RGS9: variants seen among roughly 807,000 people sequenced by gnomAD.
RGS9 encodes the protein regulator of G-protein signalling 9.
In RGS9, 78 loss-of-function variants were observed where a neutral mutation model predicts 102.0. The ratio of observed to expected loss-of-function variants is 0.76; its 90% CI spans 0.64 to 0.92. The LOEUF (loss-of-function observed/expected upper bound fraction) is 0.92. Ranked by LOEUF, RGS9 falls within the 40% of genes least tolerant of loss-of-function variation. The pLI is 0.00. For missense variants in RGS9, 833 were observed against 866.1 expected (o/e 0.96, Z 0.48); for synonymous variants, 353 against 318.6 (o/e 1.11, Z -1.15).
intron 9 of RGS9, among the ~76,000 whole-genome samples, chr17:65,178,570 C>T (rs535070315): frequency 1.7e-4 from 26 of 152,188 alleles, no homozygotes; most frequent in African/African-American, 1.2e-4. Flanking sequence ...GTGGCATGCT[C>T]ATAGCTCACT....
intron 8 of RGS9, among the ~76,000 whole-genome samples, chr17:65,174,711 T>C (rs1911557276): frequency 6.6e-6 from 1 of 152,076 alleles, no homozygotes; most frequent in Non-Finnish European, 1.5e-5. Flanking sequence ...TGAGCATGTT[T>C]TTGTGTATTC....
chr17:65,180,150 C>T (rs1045728268), intron 9 of RGS9: 11 of 152,216 alleles, frequency 7.2e-5, no homozygotes, highest in African/African-American at 2.7e-4. Context: ...CAACATTTTC[C>T]ACTGTCTGCG....
In RGS9 at chr17:65,200,189, G is replaced by A. The variant is rs532330520; in HGVS notation, c.977-1804G>A. ...TGGGATTAGAGGCGCCCGCCACCAC[G>A]GCCGGCTAATTTTTGTATTTTTAGT... is the stretch of plus-strand genomic sequence containing the variant. On this transcript the variant is annotated intron_variant, in intron 13 of 18. Transcript: ENST00000262406. Among the ~76,000 whole-genome samples the A allele has an allele frequency of 1.1e-4, 17 of 152,090 alleles. No homozygotes were observed. In the South Asian group the frequency reaches 3.3e-3, roughly 30 times the overall value.
chr17:65,182,216 C>A (rs915563451), intron 9 of RGS9, among the ~76,000 whole-genome samples: 4 of 152,204 alleles, frequency 2.6e-5, no homozygotes, highest in African/African-American at 9.7e-5. Flanking sequence ...CCTCACACAC[C>A]ATATGCTCCC....
At chr17:65,182,740 C>T (rs1390876309) in intron 9 of RGS9, among the ~76,000 whole-genome samples, 5 of 152,284 alleles carry the variant, frequency 3.3e-5, no homozygotes, top group Admixed American at 6.5e-5. Context: ...CTGATCCAAC[C>T]GCTGCTCCCC....
chr17:65,177,397 A>C, intron 8 of RGS9, among the ~76,000 whole-genome samples: 1 of 151,220 alleles, frequency 6.6e-6, no homozygotes. Flanking sequence ...CTATTCATCC[A>C]TCCACTTATC....
At chr17:65,180,957 A>C (rs1199640547) in intron 9 of RGS9, among the ~76,000 whole-genome samples, 1 of 152,162 alleles carries the variant, frequency 6.6e-6, no homozygotes, top group East Asian at 1.9e-4. Flanking sequence ...AGCTCCATCC[A>C]TGTTGCTACA....
At position 65,203,594 on chromosome 17, in the gene RGS9, C is replaced by T. The variant is rs562170410; in HGVS notation, c.1065-569C>T. ...GAAATACTGAGAGAGCTCTGCATCC[C>T]GACATCCCAGGTAGAGCCACGGGCT... On this transcript the variant is annotated intron_variant, in intron 14 of 18. Transcript: ENST00000262406. 1.5e-4 allele frequency among the ~76,000 whole-genome samples: 23 copies of T among 152,330 alleles called. No individual in the cohort carries two copies. The South Asian group carries it at 3.1e-3, about 21-fold the overall frequency.
At chr17:65,198,827 A>G (rs8070231) in intron 13 of RGS9, among the ~76,000 whole-genome samples, 30,691 of 152,164 alleles carry the variant, frequency 0.2, 5,236 homozygotes, top group African/African-American at 0.44. Flanking sequence ...GCCGGATGCA[A>G]AACATTACAT....
intron 9 of RGS9, among the ~76,000 whole-genome samples, chr17:65,181,115 G>T (rs568193983): frequency 2.0e-5 from 3 of 152,326 alleles, no homozygotes; most frequent in African/African-American, 7.2e-5. Context: ...ACATAGGCAT[G>T]CATGTGTCTT....
At chr17:65,193,417 A>C (rs1261964326) in intron 11 of RGS9, 126 bp from the exon 12 acceptor site, 1 of 716,230 alleles carries the variant, frequency 1.4e-6, no homozygotes, top group African/African-American at 1.7e-5. Context: ...ATTTCTAGGA[A>C]AACAGTAATA....
At chr17:65,214,358 G>A (rs1567892640) in intron 17 of RGS9, among the ~76,000 whole-genome samples, 1 of 152,228 alleles carries the variant, frequency 6.6e-6, no homozygotes, top group Non-Finnish European at 1.5e-5. Context: ...CCCTCAAGGG[G>A]CTGACAAGGT....
intron 4 of RGS9, 31 bp downstream of exon 4, chr17:65,160,370 T>C (rs1042646336): frequency 3.2e-6 from 5 of 1,576,316 alleles, no homozygotes; most frequent in Non-Finnish European, 4.4e-6. Context: ...TGGCTGTTCA[T>C]ATGGGGTTGA....
chr17:65,224,493 A>G (rs946698309), intron 17 of RGS9, among the ~76,000 whole-genome samples: 2 of 152,314 alleles, frequency 1.3e-5, no homozygotes, highest in South Asian at 4.1e-4. Flanking sequence ...GGCTCAGAGC[A>G]AGGAGGGGCC....
chr17:65,144,383 C>A (rs1052026377), intron 1 of RGS9, among the ~76,000 whole-genome samples: 1 of 152,178 alleles, frequency 6.6e-6, no homozygotes, highest in African/African-American at 2.4e-5. Context: ...CCATCAAAGC[C>A]CTCATTTCTG....
chr17:65,216,782 A>T (rs1913538082), intron 17 of RGS9, among the ~76,000 whole-genome samples: 1 of 152,198 alleles, frequency 6.6e-6, no homozygotes, highest in Admixed American at 6.5e-5. Context: ...TAAGATCATC[A>T]AGTCTTATTT....
chr17:65,142,903 CTTTCTTTTTT>C (rs1409761169), intron 1 of RGS9, among the ~76,000 whole-genome samples: 2 of 151,990 alleles, frequency 1.3e-5, no homozygotes, highest in Admixed American at 6.6e-5. Flanking sequence ...TTGTTTCTTT[CTTTCTTTTTT>C]TTTCTTTTTT....
intron 1 of RGS9, among the ~76,000 whole-genome samples, chr17:65,140,237 C>G (rs187100710): frequency 6.6e-6 from 1 of 152,080 alleles, no homozygotes; most frequent in Non-Finnish European, 1.5e-5. Context: ...TTTCCCATGA[C>G]GTAGGGCAGA....
At position 65,160,584 on chromosome 17, in the gene RGS9, T is replaced by C. The variant is rs1354040611; in HGVS notation, c.361T>C (p.Tyr121His). 1 of 1,614,100 alleles carries C rather than the reference T, an allele frequency of 6.2e-7. No individual in the cohort carries two copies. Among genetic ancestry groups the C allele is most frequent in the East Asian group, 2.2e-5 (1 of 44,890 alleles). ...TQQWPAEDTD[Y>H]AIYLAKRNIK... The stretch of plus-strand genomic sequence containing the variant: ...GCAGTGGCCAGCTGAAGATACCGAT[T>C]ACGGTAAATACTTCAGCCCCAACTA... Residue 121 changes from tyrosine to histidine, a missense_variant, in exon 5 of 19, where the codon TAC becomes CAC. By Grantham distance (83) the Tyr-to-His change is moderately conservative (BLOSUM62 2). Around this residue, in one of 3 missense-constraint regions of RGS9, gnomAD observed 328 missense variants for 340.6 expected, o/e 0.96. Transcript: ENST00000262406.
Sources: allele counts gnomAD v4.1 joint callset (sites outside exome capture counted in the v4.1 genomes callset), GRCh38; gene constraint gnomAD v4.1.1; regional missense constraint gnomAD v4.1.1; transcripts MANE v1.5; gene names NCBI Gene and HGNC (gene_info 2026-07-23, HGNC 2026-07-21).